Variants in AP2B1 observed in about 807,000 individuals in gnomAD.
The protein encoded by AP2B1 is AP-2 complex subunit beta.
In AP2B1, 23 loss-of-function variants were observed where a neutral mutation model predicts 102.0. That is an observed-to-expected ratio of 0.23 (90% CI 0.16 to 0.32). The LOEUF is 0.32. AP2B1 is among the 10% of genes least tolerant of loss of function. AP2B1 has a pLI of 1.00. For missense variants in AP2B1, 541 were observed against 1,157.4 expected, an observed-to-expected ratio of 0.47 and a Z score of 7.73; for synonymous variants, 381 against 421.2, an observed-to-expected ratio of 0.90 and a Z score of 1.17.
At chr17:35,632,672 T>C (rs1055110962) in intron 9 of AP2B1, among the ~76,000 whole-genome samples, 23 of 152,044 alleles carry the variant, frequency 1.5e-4, no homozygotes, top group Admixed American at 1.3e-3. Context: ...TTTTTTTTTT[T>C]AATCAAAAGC....
At position 35,650,786 on chromosome 17, in the gene AP2B1, G is replaced by A; in HGVS notation, c.1793G>A (p.Gly598Glu). The A allele has an allele frequency of 2.5e-6, 4 of 1,613,962 alleles. No individual in the cohort carries two copies. In the South Asian group the frequency reaches 3.3e-5, roughly 13 times the overall value. Reference sequence around the variant, plus strand: ...CGTAAACACTTGCCAATTCATCATGGGAGGTAAGAAGGTGTGAACTGTCTC... The same window carrying A: ...CGTAAACACTTGCCAATTCATCATGAGAGGTAAGAAGGTGTGAACTGTCTC... ...IHRKHLPIHH[G>E]STDAGDSPVG... The change falls in exon 13 of 22, where the codon GGG becomes GAG. Residue 598 changes from glycine to glutamate, a missense_variant. Gly to Glu is a moderately conservative substitution (Grantham distance 98, BLOSUM62 -2). This residue lies in a region of AP2B1 where 39 missense variants were observed against 42.0 expected (regional missense o/e 0.93). Coordinates refer to ENST00000610402, the MANE Select transcript of AP2B1 (RefSeq NM_001030006.2).
At chr17:35,687,119 T>C (rs1462130364) in intron 18 of AP2B1, among the ~76,000 whole-genome samples, 1 of 152,094 alleles carries the variant, frequency 6.6e-6, no homozygotes, top group African/African-American at 2.4e-5. Context: ...CCTGGATTTT[T>C]ATTTATTTAT....
chr17:35,659,612 A>T (rs1300325401), intron 14 of AP2B1, among the ~76,000 whole-genome samples: 2 of 151,974 alleles, frequency 1.3e-5, no homozygotes, highest in Non-Finnish European at 2.9e-5. Flanking sequence ...TATATAAGGG[A>T]TATTCTTTTG....
intron 14 of AP2B1, among the ~76,000 whole-genome samples, chr17:35,668,832 T>C (rs1291618317): frequency 6.6e-6 from 1 of 152,208 alleles, no homozygotes; most frequent in African/African-American, 2.4e-5. Flanking sequence ...AGGGAGGTTC[T>C]TCCCTTCAGA....
intron 17 of AP2B1, 135 bp downstream of exon 17, chr17:35,674,456 C>T (rs1419664507): frequency 9.1e-7 from 1 of 1,101,004 alleles, no homozygotes; most frequent in East Asian, 2.5e-5. Context: ...ATAATCCCAG[C>T]ATTTGGGAGG....
chr17:35,615,976 A>G (rs1012688318), intron 5 of AP2B1, among the ~76,000 whole-genome samples: 1 of 152,062 alleles, frequency 6.6e-6, no homozygotes, highest in Non-Finnish European at 1.5e-5. Flanking sequence ...TGAATTTCCC[A>G]CCAGTTGGTC....
At chr17:35,703,433 T>G (rs1045987551) in intron 18 of AP2B1, among the ~76,000 whole-genome samples, 1 of 152,128 alleles carries the variant, frequency 6.6e-6, no homozygotes, top group Admixed American at 6.5e-5. Context: ...TCAACCTAAA[T>G]GCCCATCAGT....
chr17:35,628,010 G>A (rs765250340), intron 9 of AP2B1, among the ~76,000 whole-genome samples: 30 of 152,022 alleles, frequency 2.0e-4, no homozygotes, highest in Non-Finnish European at 2.9e-4. Flanking sequence ...AGCTAACTGC[G>A]GATCAAAAAT....
At chr17:35,637,552 G>C (rs1383229246) in intron 10 of AP2B1, among the ~76,000 whole-genome samples, 1 of 152,108 alleles carries the variant, frequency 6.6e-6, no homozygotes, top group Non-Finnish European at 1.5e-5. Flanking sequence ...GTGGGCTCAA[G>C]AATTAGTAGA....
intron 12 of AP2B1, among the ~76,000 whole-genome samples, chr17:35,649,228 A>C (rs957648919): frequency 6.6e-6 from 1 of 152,160 alleles, no homozygotes. Context: ...AAGATATAAT[A>C]TATGTTATTA....
At chr17:35,696,182 A>G (rs1404288670) in intron 18 of AP2B1, among the ~76,000 whole-genome samples, 1 of 151,988 alleles carries the variant, frequency 6.6e-6, no homozygotes, top group African/African-American at 2.4e-5. Flanking sequence ...CTTATCTTAG[A>G]ATAGGGTATG....
intron 20 of AP2B1, among the ~76,000 whole-genome samples, chr17:35,711,290 C>T (rs782770239): frequency 2.0e-5 from 3 of 152,020 alleles, no homozygotes; most frequent in Non-Finnish European, 4.4e-5. Flanking sequence ...CCTCATTTAC[C>T]CCTCATTTAC....
intron 17 of AP2B1, among the ~76,000 whole-genome samples, chr17:35,680,324 A>T (rs2075790291): frequency 1.3e-5 from 2 of 152,038 alleles, no homozygotes; most frequent in South Asian, 4.1e-4. Context: ...TTCTAGGCCA[A>T]TTTTTTCTTT....
At chr17:35,651,370 A>T (rs1349734413) in intron 13 of AP2B1, among the ~76,000 whole-genome samples, 1 of 152,140 alleles carries the variant, frequency 6.6e-6, no homozygotes, top group South Asian at 2.1e-4. Flanking sequence ...GGAAATTGTT[A>T]TGAAAAGGCT....
Position 35,712,589 on chromosome 17 carries a change from A to AC in AP2B1, c.2626+2270dup, listed in dbSNP as rs2076473640. Among the ~76,000 whole-genome samples, 3 of 152,096 alleles carry AC rather than the reference A, an allele frequency of 2.0e-5. No homozygotes were observed. The South Asian group carries it at 6.2e-4, about 32-fold the overall frequency. ...GCTTGCAGTGAGCCAAGATCGCACC[A>AC]CTGCACTCCAGCCTGGGTGACAGAG... On this transcript the variant is annotated intron_variant, in intron 20 of 21. Coordinates refer to ENST00000610402, the MANE Select transcript of AP2B1 (RefSeq NM_001030006.2).
chr17:35,705,483 G>T (rs1265861254), intron 18 of AP2B1, among the ~76,000 whole-genome samples: 12 of 152,084 alleles, frequency 7.9e-5, no homozygotes, highest in African/African-American at 2.9e-4. Flanking sequence ...AGGATGCTGA[G>T]TAAAAAAGGT....
At chr17:35,712,351 G>A (rs1043377047) in intron 20 of AP2B1, among the ~76,000 whole-genome samples, 17 of 152,158 alleles carry the variant, frequency 1.1e-4, no homozygotes, top group African/African-American at 2.7e-4. Context: ...GTTTTGGGCC[G>A]GGCACAGTGG....
At chr17:35,674,580 C>T (rs1395529313) in intron 17 of AP2B1, among the ~76,000 whole-genome samples, 3 of 152,170 alleles carry the variant, frequency 2.0e-5, no homozygotes, top group Non-Finnish European at 4.4e-5. Context: ...TGGCAGGTAC[C>T]TGTAATCCCA....
At chr17:35,676,907 A>T (rs2075715169) in intron 17 of AP2B1, among the ~76,000 whole-genome samples, 1 of 152,120 alleles carries the variant, frequency 6.6e-6, no homozygotes, top group Non-Finnish European at 1.5e-5. Flanking sequence ...TCTGGATACA[A>T]ATCCTTTATT....
Sources: allele counts gnomAD v4.1 joint callset (sites outside exome capture counted in the v4.1 genomes callset), GRCh38; gene constraint gnomAD v4.1.1; regional missense constraint gnomAD v4.1.1; transcripts MANE v1.5; gene names NCBI Gene and HGNC (gene_info 2026-07-23, HGNC 2026-07-21).